The following CACNA1I variants were observed in gnomAD, a reference collection of about 807,000 sequenced individuals.
The protein encoded by CACNA1I is voltage-dependent T-type calcium channel subunit alpha-1I.
In CACNA1I, 74 loss-of-function variants were observed where a neutral mutation model predicts 201.6. The ratio of observed to expected loss-of-function variants is 0.37; its 90% confidence interval spans 0.30 to 0.45. The LOEUF (loss-of-function observed/expected upper bound fraction) is 0.45, where lower values mean the gene tolerates loss of function less well. Ranked by LOEUF, CACNA1I falls within the 20% of genes least tolerant of loss-of-function variation. CACNA1I has a pLI of 1.00. For synonymous variants in CACNA1I, 1,431 were observed against 1,345.2 expected, an observed-to-expected ratio of 1.06 and a Z score of -1.40; for missense variants, 2,346 against 3,138.1, an observed-to-expected ratio of 0.75 and a Z score of 6.03.
Position 39,664,915 on chromosome 22 carries a change from C to T in CACNA1I, c.3843C>T (p.Arg1281=). 5 of 1,611,856 alleles carry T rather than the reference C, an allele frequency of 3.1e-6. No homozygotes were observed. Among genetic ancestry groups the T allele is most frequent in the Non-Finnish European group, 4.2e-6 (5 of 1,179,774 alleles). ...TCTTGCGGCTCCTGCGCACCCTACG[C>T]CCCCTGCGGTGAGGACCCCTCCTGG... The part of the protein sequence containing the change: ...LRVLRLLRTL[R]PLRVISRAPG... Residue 1281 remains arginine, a synonymous_variant, in exon 21 of 37, where the codon CGC becomes CGT. Transcript: ENST00000402142.
chr22:39,611,270 A>G (rs1933380243), intron 3 of CACNA1I, among the ~76,000 whole-genome samples: 1 of 152,198 alleles, frequency 6.6e-6, no homozygotes. Context: ...ACCATTTTGC[A>G]GATGAGAAAA....
At chr22:39,608,293 A>G (rs1173933338) in intron 3 of CACNA1I, among the ~76,000 whole-genome samples, 3 of 152,132 alleles carry the variant, frequency 2.0e-5, no homozygotes, top group Admixed American at 1.3e-4. Context: ...ACAGAGTCTC[A>G]GTCTCTAAAA....
At chr22:39,606,391 T>C (rs1436504030) in intron 3 of CACNA1I, among the ~76,000 whole-genome samples, 1 of 152,366 alleles carries the variant, frequency 6.6e-6, no homozygotes, top group East Asian at 1.9e-4. Context: ...CTTGGAGTCC[T>C]GAGGCAGCCG....
intron 11 of CACNA1I, 26 bp from the exon 12 acceptor site, chr22:39,658,905 C>T: frequency 1.3e-6 from 2 of 1,563,308 alleles, no homozygotes; most frequent in Non-Finnish European, 1.7e-6. Flanking sequence ...CTACCTGTAC[C>T]CTGGGCCTGC....
intron 10 of CACNA1I, among the ~76,000 whole-genome samples, chr22:39,656,264 G>A (rs999195230): frequency 4.0e-5 from 6 of 151,890 alleles, no homozygotes; most frequent in Non-Finnish European, 7.4e-5. Context: ...ACATGGAGTC[G>A]GAGTCAGGTC....
At position 39,685,970 on chromosome 22, in the gene CACNA1I, G is replaced by A. The variant is rs1484667539; in HGVS notation, c.6237G>A (p.Gly2079=). The change falls in exon 37 of 37, where the codon GGG becomes GGA. Residue 2079 remains glycine, a synonymous_variant. Coordinates refer to ENST00000402142, the MANE Select transcript of CACNA1I (RefSeq NM_021096.4). The surrounding 1 kb of genome is among the most constrained non-coding windows in gnomAD (Gnocchi z 5.0). ...LRGRGLFSLR[G]LRAHQRSHSS... The stretch of plus-strand genomic sequence containing the variant: ...GCCGGGGCCTCTTCAGCCTGCGGGG[G>A]CTGCGGGCGCATCAGCGCAGCCACA... 2 of 1,257,036 alleles carry A rather than the reference G, an allele frequency of 1.6e-6. No individual in the cohort carries two copies. The highest frequency in any genetic ancestry group is 3.4e-5 in the South Asian group (1 of 29,674). 77.9% of individuals were successfully genotyped at this position (1,257,036 alleles called of 1,614,324 possible).
Position 39,661,285 on chromosome 22 carries a change from G to A in CACNA1I, c.2876G>A (p.Arg959Lys), listed in dbSNP as rs199552874. 27 of 1,593,016 alleles carry A rather than the reference G, an allele frequency of 1.7e-5. No individual in the cohort carries two copies. The highest frequency in any genetic ancestry group is 1.7e-4 in the Middle Eastern group (1 of 5,982). ...AAGAGCAGTGTCATGTCTCTAGGGA[G>A]GATGAGCTATGACCAGCGCTCCCTG... The part of the protein sequence containing the change: ...SRKSSVMSLG[R>K]MSYDQRSLSS... Residue 959 changes from arginine to lysine, a missense_variant, in exon 16 of 37, where the codon AGG becomes AAG. Arg to Lys is a conservative substitution (Grantham distance 26, BLOSUM62 2). Transcript: ENST00000402142.
rs147251178 is a variant in CACNA1I, at chr22:39,639,659, G to A, written c.741-1208G>A. Among the ~76,000 whole-genome samples, 430 of 152,218 alleles carry A rather than the reference G, an allele frequency of 2.8e-3. 1 individual carries two copies. The highest frequency in any genetic ancestry group is 0.01 in the African/African-American group (417 of 41,508). ...AAAAGTTTATTTTTGTGTATGGTGT[G>A]AGGTTGGGATCCAACTATTATTTCC... On this transcript the variant is annotated intron_variant, in intron 5 of 36. Transcript: ENST00000402142.
intron 1 of CACNA1I, among the ~76,000 whole-genome samples, chr22:39,589,395 G>A (rs1191708159): frequency 2.0e-5 from 3 of 152,214 alleles, no homozygotes; most frequent in Non-Finnish European, 2.9e-5. Flanking sequence ...GCCTTCCAGA[G>A]TGGTTGCTGC....
At position 39,642,937 on chromosome 22, in the gene CACNA1I, A is replaced by G. The variant is rs755345849; in HGVS notation, c.1149+48A>G. 14 of 1,312,142 alleles carry G rather than the reference A, an allele frequency of 1.1e-5. No individual in the cohort carries two copies. The South Asian group carries it at 1.8e-4, about 16-fold the overall frequency. 81.3% of individuals were successfully genotyped at this position (1,312,142 alleles called of 1,614,324 possible). ...TCCTAGGTGTGCTCAGAACCCATGG[A>G]CCAGGGGACCTGAGGAGGGAGGGTC... On this transcript the variant is annotated intron_variant, in intron 7 of 36. Coordinates refer to ENST00000402142, the MANE Select transcript of CACNA1I (RefSeq NM_021096.4).
chr22:39,619,965 A>G (rs865968206), intron 4 of CACNA1I, among the ~76,000 whole-genome samples: 6 of 133,710 alleles, frequency 4.5e-5, no homozygotes, highest in Non-Finnish European at 7.1e-5. Context: ...CCGTCCGTCC[A>G]TCCATCCATC....
chr22:39,674,111 T>A, intron 29 of CACNA1I, 78 bp downstream of exon 29: 1 of 1,371,724 alleles, frequency 7.3e-7, no homozygotes, highest in Non-Finnish European at 1.0e-6. Context: ...AGGCCCTGAT[T>A]TCCCTTCTCC....
intron 17 of CACNA1I, 65 bp from the exon 18 acceptor site, chr22:39,662,711 G>A: frequency 1.7e-6 from 2 of 1,201,726 alleles, no homozygotes; most frequent in Non-Finnish European, 2.4e-6. Context: ...CGCGATGGCC[G>A]CATGGGCGGA....
Position 39,677,925 on chromosome 22 carries a change from G to T in CACNA1I, c.4934-62G>T. 5 of 1,515,638 alleles carry T rather than the reference G, an allele frequency of 3.3e-6. No homozygotes were observed. Among genetic ancestry groups the T allele is most frequent in the Non-Finnish European group, 4.4e-6 (5 of 1,129,686 alleles). 93.9% of individuals were successfully genotyped at this position (1,515,638 alleles called of 1,614,324 possible). A position where few individuals can be genotyped will look rare whatever the true frequency, so the allele number is the denominator to read the frequency against. Reference sequence around the variant, plus strand: ...TCTGAGGCGAGGCGGGAGGCACCAGGTCAGGGTGAGCCCCGCAGGCACTCC... The same window carrying T: ...TCTGAGGCGAGGCGGGAGGCACCAGTTCAGGGTGAGCCCCGCAGGCACTCC... On this transcript the variant is annotated intron_variant, in intron 30 of 36. Transcript: ENST00000402142. The surrounding 1 kb of genome is among the most constrained non-coding windows in gnomAD (Gnocchi z 4.8).
intron 34 of CACNA1I, among the ~76,000 whole-genome samples, chr22:39,681,504 GATGATTTGTTCCCACTTCAC>G (rs935036009): frequency 6.6e-6 from 1 of 152,218 alleles, no homozygotes; most frequent in African/African-American, 2.4e-5. Flanking sequence ...GTGCAGCAGG[GATGATTTGTTCCCACTTCAC>G]ATGTGAGGAA....
At chr22:39,576,512 A>C (rs1932358925) in intron 1 of CACNA1I, among the ~76,000 whole-genome samples, 1 of 152,224 alleles carries the variant, frequency 6.6e-6, no homozygotes, top group Non-Finnish European at 1.5e-5. Flanking sequence ...GAGAAACACC[A>C]GGTTCTCCAC....
chr22:39,591,478 CA>C (rs1932821219), intron 1 of CACNA1I, among the ~76,000 whole-genome samples: 1 of 151,944 alleles, frequency 6.6e-6, no homozygotes, highest in Non-Finnish European at 1.5e-5. Flanking sequence ...GGATTCTTTA[CA>C]AAAGGCTGTG....
intron 1 of CACNA1I, among the ~76,000 whole-genome samples, chr22:39,587,976 A>G (rs1932776300): frequency 6.6e-6 from 1 of 152,002 alleles, no homozygotes; most frequent in East Asian, 1.9e-4. Flanking sequence ...GGGTTTCACC[A>G]TATTGGCCAG....
intron 32 of CACNA1I, 81 bp from the exon 33 acceptor site, chr22:39,679,641 G>A: frequency 7.4e-7 from 1 of 1,360,196 alleles, no homozygotes. Flanking sequence ...AACCGGGAGG[G>A]CAGCTGTGTC....
Sources: allele counts gnomAD v4.1 joint callset (sites outside exome capture counted in the v4.1 genomes callset), GRCh38; gene constraint gnomAD v4.1.1; non-coding constraint Gnocchi (gnomAD v3.1); transcripts MANE v1.5; gene names NCBI Gene and HGNC (gene_info 2026-07-23, HGNC 2026-07-21).